ACLY: variants seen among roughly 807,000 people sequenced by gnomAD.
ACLY encodes the protein ATP-citrate synthase.
Under a neutral mutation model 133.0 loss-of-function variants are expected in ACLY, and 41 were observed. That is an observed-to-expected ratio of 0.31 (90% CI 0.24 to 0.40). The LOEUF is 0.40. Ranked by LOEUF, ACLY falls within the 10% of genes least tolerant of loss-of-function variation. The pLI, the probability that ACLY is intolerant of heterozygous loss-of-function variation, is 1.00. For missense variants in ACLY, 1,046 were observed against 1,453.8 expected (o/e 0.72, Z 4.56); for synonymous variants, 495 against 549.3 (o/e 0.90, Z 1.38).
At chr17:41,910,157 T>C in intron 4 of ACLY, 65 bp downstream of exon 4, 1 of 1,503,222 alleles carries the variant, frequency 6.7e-7, no homozygotes, top group Non-Finnish European at 9.1e-7. Flanking sequence ...TTTCCTCAGG[T>C]TACGGTGGAC....
chr17:41,887,742 C>T (rs1303041521), intron 16 of ACLY, 39 bp from the exon 17 acceptor site: 20 of 1,572,140 alleles, frequency 1.3e-5, no homozygotes, highest in Non-Finnish European at 1.8e-5. Flanking sequence ...TAACTCTCTG[C>T]CTCAGAAAGG....
intron 20 of ACLY, among the ~76,000 whole-genome samples, chr17:41,881,416 CAAAAAAAAAAAAAAA>C (rs34173466): frequency 2.4e-5 from 1 of 41,592 alleles, no homozygotes; most frequent in African/African-American, 9.6e-5. Flanking sequence ...GACTCCGTCT[CAAAAAAAAAAAAAAA>C]AAAAAAAAAG....
In ACLY at chr17:41,898,732, C is replaced by G; in HGVS notation, c.1237G>C (p.Ala413Pro). The change falls in exon 12 of 29, where the codon GCC (alanine) becomes CCC (proline). Residue 413 changes from alanine (A) to proline (P), a missense_variant. This residue lies in a region of ACLY where 575 missense variants were observed against 804.2 expected (regional missense o/e 0.71). Coordinates refer to ENST00000352035, the MANE Select transcript of ACLY (RefSeq NM_001096.3). ...TGGCCCAGGGCCATGCCCACAATGG[C>G]CGTCATGTGAGTCTCTGTGCCAAAG... ...HVFGTETHMT[A>P]IVGMALGHRP... is the part of the protein sequence containing the mutation. 1.2e-6 allele frequency: 2 copies of G among 1,614,020 alleles called. No individual in the cohort carries two copies. The highest frequency in any genetic ancestry group is 1.7e-6 in the Non-Finnish European group (2 of 1,179,978).
chr17:41,914,151 CT>C (rs1555634143), intron 1 of ACLY, among the ~76,000 whole-genome samples: 2 of 152,180 alleles, frequency 1.3e-5, no homozygotes, highest in Non-Finnish European at 2.9e-5. Flanking sequence ...GCCATTTCCC[CT>C]GGGACTCTTG....
rs1389159959 is a variant in ACLY at position 41,871,773 on chromosome 17, G to A, written c.2853C>T (p.Asp951=). The change falls in exon 25 of 29, where the codon GAC becomes GAT. Residue 951 remains aspartate (D), a synonymous_variant. Coordinates refer to ENST00000352035, the MANE Select transcript of ACLY (RefSeq NM_001096.3). ...AAAKMFSKAF[D]SGIIPMEFVN... ...CAAACTCCATGGGGATAATGCCACT[G>A]TCAAAGGCTTTACTGAACATCTTGG... The A allele has an allele frequency of 1.9e-6, 3 of 1,613,922 alleles. No individual in the cohort carries two copies. In the African/African-American group the frequency reaches 4.0e-5, roughly 22 times the overall value.
intron 16 of ACLY, among the ~76,000 whole-genome samples, 165 bp downstream of exon 16, chr17:41,892,114 C>T (rs1447447093): frequency 6.6e-6 from 1 of 152,128 alleles, no homozygotes; most frequent in Non-Finnish European, 1.5e-5. Context: ...CCACCTAAAC[C>T]ACTGGCTACT....
chr17:41,878,772 G>A (rs371643897), intron 21 of ACLY, 25 bp downstream of exon 21: 395 of 1,612,590 alleles, frequency 2.4e-4, no homozygotes, highest in Admixed American at 7.7e-4. Context: ...GGGGGAGGCC[G>A]GCATCCTCCC....
chr17:41,911,972 A>G (rs1036414293), intron 3 of ACLY, among the ~76,000 whole-genome samples: 4 of 152,022 alleles, frequency 2.6e-5, no homozygotes, highest in Non-Finnish European at 4.4e-5. Flanking sequence ...AAATTAGCCA[A>G]GTATGGTGCT....
At chr17:41,875,779 T>G (rs2144223896) in intron 22 of ACLY, among the ~76,000 whole-genome samples, 2 of 152,278 alleles carry the variant, frequency 1.3e-5, no homozygotes, top group South Asian at 4.2e-4. Flanking sequence ...AGTGGCGTGA[T>G]CTCAGCTCGC....
upstream of ACLY, among the ~76,000 whole-genome samples, chr17:41,919,827 C>T (rs191087636): frequency 3.0e-4 from 46 of 152,350 alleles, no homozygotes; most frequent in Admixed American, 2.7e-3. Flanking sequence ...AAAACTGGGA[C>T]ATCCAATCTG....
rs1567914398 is a variant in ACLY, at chr17:41,913,675, C to CG, written c.159+39dup. The CG allele has an allele frequency of 1.9e-6, 3 of 1,601,822 alleles. No individual in the cohort carries two copies. In the South Asian group the frequency reaches 3.3e-5, roughly 18 times the overall value. On this transcript the variant is annotated intron_variant, in intron 2 of 28. Transcript: ENST00000352035. The stretch of plus-strand genomic sequence containing the variant: ...CAATGGCTTTCTCTTCCTCAGACCC[C>CG]GGGCCTGGAAGAAAGGCCCAAAGTG...
chr17:41,869,793 A>G (rs1385391885), intron 25 of ACLY, among the ~76,000 whole-genome samples: 1 of 152,222 alleles, frequency 6.6e-6, no homozygotes, highest in Non-Finnish European at 1.5e-5. Flanking sequence ...TTGGGACACA[A>G]AACAACCTTG....
intron 20 of ACLY, among the ~76,000 whole-genome samples, chr17:41,881,953 A>G (rs2048928307): frequency 6.6e-6 from 1 of 152,194 alleles, no homozygotes; most frequent in East Asian, 1.9e-4. Context: ...TCTTACAGGT[A>G]ATGTATCTTA....
At chr17:41,907,313 A>AAAT in intron 7 of ACLY, 129 bp downstream of exon 7, 1 of 785,790 alleles carries the variant, frequency 1.3e-6, no homozygotes. Flanking sequence ...AAGAAAATTA[A>AAAT]ATGCTTCTCA....
chr17:41,910,208 C>T lies in ACLY; in HGVS notation c.345+14G>A, dbSNP rs375010883. ...GGAGGGAGAAGACCCAGCCTGGAGCCGCCTCACACATACCTGACTGTGGGG... is the reference window on the plus strand; with the variant it reads ...GGAGGGAGAAGACCCAGCCTGGAGCTGCCTCACACATACCTGACTGTGGGG... On this transcript the variant is annotated intron_variant, in intron 4 of 28. Transcript: ENST00000352035. The T allele has an allele frequency of 9.9e-5, 160 of 1,611,994 alleles. No homozygotes were observed. The highest frequency in any genetic ancestry group is 1.3e-4 in the Non-Finnish European group (153 of 1,179,004).
chr17:41,885,483 A>T (rs1444874920), intron 18 of ACLY, among the ~76,000 whole-genome samples: 1 of 152,240 alleles, frequency 6.6e-6, no homozygotes, highest in East Asian at 1.9e-4. Flanking sequence ...TTATGAACCT[A>T]CTAAGTGCCA....
rs1188599632 is a variant in ACLY, at chr17:41,912,483, C to T, written c.219G>A (p.Gly73=). The T allele has an allele frequency of 1.2e-6, 2 of 1,614,202 alleles. No homozygotes were observed. The highest frequency in any genetic ancestry group is 1.7e-6 in the Non-Finnish European group (2 of 1,180,030). The change falls in exon 3 of 29, where the codon GGG becomes GGA. Residue 73 remains glycine, a synonymous_variant. Coordinates refer to ENST00000352035, the MANE Select transcript of ACLY (RefSeq NM_001096.3). ...IKRRGKLGLV[G]VNLTLDGVKS... is the part of the protein sequence containing the mutation. ...TGACCCCATCCAGAGTGAGGTTGAC[C>T]CCAACGAGACCAAGTTTTCCACGAC...
At position 41,906,660 on chromosome 17, in the gene ACLY, A is replaced by G; in HGVS notation, c.748-14T>C. 1 of 1,610,964 alleles carries G rather than the reference A, an allele frequency of 6.2e-7. No homozygotes were observed. The highest frequency in any genetic ancestry group is 1.1e-5 in the South Asian group (1 of 91,030). The stretch of plus-strand genomic sequence containing the variant: ...AATGTAGGCTTCCTGGGGACCAGAC[A>G]GCAACAGGTAGGCCCTTGGGGTACC... On this transcript the variant is annotated splice_polypyrimidine_tract_variant and intron_variant, in intron 7 of 28. Transcript: ENST00000352035.
chr17:41,877,265 C>T (rs1481733650), intron 22 of ACLY, among the ~76,000 whole-genome samples: 1 of 151,720 alleles, frequency 6.6e-6, no homozygotes, highest in Non-Finnish European at 1.5e-5. Flanking sequence ...CTCAGCTTCC[C>T]GAGTAGCTGG....
Sources: allele counts gnomAD v4.1 joint callset (sites outside exome capture counted in the v4.1 genomes callset), GRCh38; gene constraint gnomAD v4.1.1; regional missense constraint gnomAD v4.1.1; transcripts MANE v1.5; gene names NCBI Gene and HGNC (gene_info 2026-07-23, HGNC 2026-07-21).